The following PDE4D variants were observed in gnomAD, a reference collection of about 807,000 sequenced individuals.
PDE4D encodes 3',5'-cyclic-AMP phosphodiesterase 4D.
Under a neutral mutation model 87.4 loss-of-function variants are expected in PDE4D, and 24 were observed. That is an observed-to-expected ratio of 0.27 (90% CI 0.20 to 0.39). The LOEUF (loss-of-function observed/expected upper bound fraction) is 0.39. Ranked by LOEUF, PDE4D falls within the 10% of genes least tolerant of loss-of-function variation. The pLI is 1.00. For synonymous variants in PDE4D, 384 were observed against 383.2 expected, an observed-to-expected ratio of 1.00 and a Z score of -0.02; for missense variants, 714 against 1,041.0, an observed-to-expected ratio of 0.69 and a Z score of 4.32.
intron 3 of PDE4D, among the ~76,000 whole-genome samples, chr5:59,908,999 T>C (rs1753150284): frequency 6.6e-6 from 1 of 152,250 alleles, no homozygotes; most frequent in Non-Finnish European, 1.5e-5. Context: ...TTGCACTGGC[T>C]TTTTAAAGTA....
intron 3 of PDE4D, among the ~76,000 whole-genome samples, chr5:59,985,162 A>T (rs868653251): frequency 2.5e-5 from 2 of 80,908 alleles, no homozygotes; most frequent in East Asian, 1.1e-3. Context: ...ATTTTGAGAC[A>T]GAGTCTCACT....
intron 1 of PDE4D, among the ~76,000 whole-genome samples, chr5:60,307,397 T>G (rs1754600325): frequency 6.6e-6 from 1 of 152,030 alleles, no homozygotes; most frequent in Non-Finnish European, 1.5e-5. Flanking sequence ...ATATGTCTAG[T>G]GTAAGATTTT....
At chr5:59,657,237 A>C (rs1471747394) in intron 1 of PDE4D, among the ~76,000 whole-genome samples, 2 of 152,222 alleles carry the variant, frequency 1.3e-5, no homozygotes, top group Non-Finnish European at 2.9e-5. Context: ...ATACTGTTAT[A>C]AATAATAATT....
chr5:59,315,569 A>C (rs1230959230), intron 1 of PDE4D, among the ~76,000 whole-genome samples: 2 of 152,140 alleles, frequency 1.3e-5, no homozygotes, highest in African/African-American at 4.8e-5. Flanking sequence ...TGTGACTGTC[A>C]GGTGGCCTCT....
intron 6 of PDE4D, among the ~76,000 whole-genome samples, chr5:59,002,977 T>C (rs907756090): frequency 1.3e-5 from 2 of 152,220 alleles, no homozygotes; most frequent in Admixed American, 6.5e-5. Context: ...ATGATCATTA[T>C]GATAATCATT....
intron 1 of PDE4D, among the ~76,000 whole-genome samples, chr5:59,749,705 A>G (rs1432360454): frequency 6.6e-6 from 1 of 152,092 alleles, no homozygotes; most frequent in Non-Finnish European, 1.5e-5. Flanking sequence ...CTCTATATAT[A>G]CTTGCTCCCT....
intron 3 of PDE4D, among the ~76,000 whole-genome samples, chr5:59,985,984 A>T (rs970035898): frequency 6.6e-6 from 1 of 152,242 alleles, no homozygotes. Context: ...CTTAATGAAG[A>T]TGGAAATGAA....
chr5:59,335,227 G>A (rs957652098), intron 1 of PDE4D, among the ~76,000 whole-genome samples: 30 of 152,282 alleles, frequency 2.0e-4, no homozygotes, highest in East Asian at 1.9e-4. Context: ...GCATAGTATA[G>A]GTGCTCAATA....
At chr5:60,102,339 G>C (rs968520532) in intron 2 of PDE4D, among the ~76,000 whole-genome samples, 1 of 151,926 alleles carries the variant, frequency 6.6e-6, no homozygotes, top group African/African-American at 2.4e-5. Context: ...TTGAGGTTTG[G>C]GATATGAATC....
At chr5:59,492,512 C>T (rs1172552845) in intron 1 of PDE4D, among the ~76,000 whole-genome samples, 1 of 152,070 alleles carries the variant, frequency 6.6e-6, no homozygotes, top group Non-Finnish European at 1.5e-5. Context: ...ATCTAATTTT[C>T]CTCCAATGCA....
intron 1 of PDE4D, among the ~76,000 whole-genome samples, chr5:60,365,264 C>T (rs1760422447): frequency 6.6e-6 from 1 of 152,188 alleles, no homozygotes. Context: ...AATGTTAGCA[C>T]AAACATTTGA....
intron 1 of PDE4D, among the ~76,000 whole-genome samples, chr5:59,559,257 A>G (rs1334634809): frequency 6.6e-6 from 1 of 152,220 alleles, no homozygotes; most frequent in Admixed American, 6.5e-5. Flanking sequence ...TATTGAAAAT[A>G]CGGCCTAAAA....
At chr5:59,333,893 T>C (rs1239082038) in intron 1 of PDE4D, among the ~76,000 whole-genome samples, 1 of 151,952 alleles carries the variant, frequency 6.6e-6, no homozygotes, top group Admixed American at 6.6e-5. Context: ...ATTAAGTAAA[T>C]ATAAAATAGT....
At chr5:59,390,853 G>A (rs17783275) in intron 1 of PDE4D, among the ~76,000 whole-genome samples, 15,342 of 152,010 alleles carry the variant, frequency 0.1, 897 homozygotes, top group Non-Finnish European at 0.13. Flanking sequence ...ACAGAGGGTG[G>A]TAAAAGTCAC....
chr5:60,265,183 C>T (rs1046910209), intron 1 of PDE4D, among the ~76,000 whole-genome samples: 4 of 152,126 alleles, frequency 2.6e-5, no homozygotes, highest in Admixed American at 6.5e-5. Flanking sequence ...AATAGCAGTT[C>T]GCTAGTCATA....
chr5:60,160,272 T>A (rs1372359268), intron 2 of PDE4D, among the ~76,000 whole-genome samples: 3 of 152,216 alleles, frequency 2.0e-5, no homozygotes, highest in Non-Finnish European at 2.9e-5. Context: ...AGTAGTTAAC[T>A]TTTGGGAGAA....
intron 1 of PDE4D, among the ~76,000 whole-genome samples, chr5:59,523,942 C>G (rs1011152129): frequency 6.6e-6 from 1 of 152,206 alleles, no homozygotes; most frequent in Non-Finnish European, 1.5e-5. Context: ...CCCCTTCCAC[C>G]ATGTTTGTAA....
chr5:59,672,060 C>T (rs1747302842), intron 1 of PDE4D, among the ~76,000 whole-genome samples: 1 of 151,904 alleles, frequency 6.6e-6, no homozygotes, highest in African/African-American at 2.4e-5. Flanking sequence ...ATTCATGGAC[C>T]CTCCCTAAAT....
At chr5:59,369,254 G>A (rs749958176) in intron 1 of PDE4D, among the ~76,000 whole-genome samples, 1 of 152,194 alleles carries the variant, frequency 6.6e-6, no homozygotes, top group Non-Finnish European at 1.5e-5. Context: ...CACATATCTA[G>A]TGCTTGTGCA....
Sources: gnomAD v4.1 joint callset for allele counts (sites outside exome capture counted in the v4.1 genomes callset) on GRCh38, gnomAD v4.1.1 for gene constraint, MANE v1.5 for transcripts, NCBI Gene and HGNC (gene_info 2026-07-23, HGNC 2026-07-21) for gene names.